CELF2: variants seen among roughly 807,000 people sequenced by gnomAD.
The protein encoded by CELF2 is CUG triplet repeat RNA-binding protein 2.
Under a neutral mutation model 62.6 loss-of-function variants are expected in CELF2, and 8 were observed. That is an observed-to-expected ratio of 0.13 (90% CI 0.07 to 0.23). CELF2 has a LOEUF of 0.23. Ranked by LOEUF, CELF2 falls within the 10% of genes least tolerant of loss-of-function variation. The pLI is 1.00. For missense variants in CELF2, 333 were observed against 671.0 expected, an observed-to-expected ratio of 0.50 and a Z score of 5.56; for synonymous variants, 258 against 250.0, an observed-to-expected ratio of 1.03 and a Z score of -0.30.
At chr10:11,113,163 A>G (rs925070836) in intron 1 of CELF2, among the ~76,000 whole-genome samples, 2 of 152,272 alleles carry the variant, frequency 1.3e-5, no homozygotes, top group Non-Finnish European at 2.9e-5. Flanking sequence ...TTTAAAATAT[A>G]GATGGCTTTC....
intron 2 of CELF2, among the ~76,000 whole-genome samples, chr10:11,184,587 G>T (rs2074331765): frequency 6.6e-6 from 1 of 152,166 alleles, no homozygotes; most frequent in Non-Finnish European, 1.5e-5. Context: ...CAAATGTTTT[G>T]TGGTTTGCCA....
intron 1 of CELF2, among the ~76,000 whole-genome samples, chr10:11,087,384 T>C (rs76211859): frequency 6.6e-6 from 1 of 152,174 alleles, no homozygotes; most frequent in Non-Finnish European, 1.5e-5. Context: ...GACTCCCAGG[T>C]CTTTTTCAAG....
intron 3 of CELF2, among the ~76,000 whole-genome samples, chr10:11,238,113 C>T (rs906783886): frequency 6.6e-6 from 1 of 152,138 alleles, no homozygotes; most frequent in Admixed American, 6.5e-5. Flanking sequence ...AGTATTGGAG[C>T]GCCCATCATT....
At chr10:10,941,101 A>G (rs1303785757) in intron 2 of CELF2, among the ~76,000 whole-genome samples, 1 of 152,368 alleles carries the variant, frequency 6.6e-6, no homozygotes, top group East Asian at 1.9e-4. Context: ...AGCATTGAGC[A>G]TGCAGAAATG....
the CELF2 span, among the ~76,000 whole-genome samples, chr10:10,701,259 A>G: frequency 8.1e-4 from 123 of 152,384 alleles, no homozygotes; most frequent in African/African-American, 2.7e-3. Context: ...CAGAAAGATT[A>G]GACAAACAAA....
intron 2 of CELF2, among the ~76,000 whole-genome samples, chr10:10,954,869 A>T (rs1457079128): frequency 6.6e-6 from 1 of 152,240 alleles, no homozygotes; most frequent in African/African-American, 2.4e-5. Flanking sequence ...AGAATACATA[A>T]ATATGCTATA....
At chr10:10,660,603 C>T in the CELF2 span, among the ~76,000 whole-genome samples, 1 of 152,176 alleles carries the variant, frequency 6.6e-6, no homozygotes, top group African/African-American at 2.4e-5. Context: ...CAATCAATTC[C>T]TTCACCTCAT....
intron 1 of CELF2, among the ~76,000 whole-genome samples, chr10:11,130,968 C>G (rs879461598): frequency 6.6e-6 from 1 of 152,172 alleles, no homozygotes; most frequent in African/African-American, 2.4e-5. Context: ...AACAAAGAGA[C>G]GCTCATGGAA....
the CELF2 span, among the ~76,000 whole-genome samples, chr10:10,629,680 T>G: frequency 6.6e-6 from 1 of 151,962 alleles, no homozygotes; most frequent in Admixed American, 6.6e-5. Flanking sequence ...CCAGTGTGCT[T>G]AAAGATAGCA....
intron 1 of CELF2, among the ~76,000 whole-genome samples, chr10:10,865,359 A>G (rs1188153303): frequency 6.6e-6 from 1 of 152,210 alleles, no homozygotes; most frequent in African/African-American, 2.4e-5. Context: ...GCATTTCAAC[A>G]CTAGTTATTA....
intron 1 of CELF2, among the ~76,000 whole-genome samples, chr10:11,119,595 A>G (rs2057296418): frequency 6.6e-6 from 1 of 152,216 alleles, no homozygotes; most frequent in South Asian, 2.1e-4. Context: ...CTTTTTACCA[A>G]CAAATTAACT....
the CELF2 span, among the ~76,000 whole-genome samples, chr10:10,704,105 T>A: frequency 1.5e-3 from 234 of 152,142 alleles, 2 homozygotes; most frequent in Non-Finnish European, 2.8e-3. Flanking sequence ...ACCCCTGCAG[T>A]CCCAGTGCCA....
the CELF2 span, among the ~76,000 whole-genome samples, chr10:10,754,061 G>GGTTT: frequency 4.8e-4 from 41 of 85,056 alleles, 1 homozygote; most frequent in African/African-American, 1.7e-3. Context: ...TGCTGAGGTG[G>GGTTT]TTTTTTTTTT....
the CELF2 span, among the ~76,000 whole-genome samples, chr10:10,577,553 C>A: frequency 2.0e-5 from 3 of 150,034 alleles, no homozygotes; most frequent in East Asian, 6.0e-4. Flanking sequence ...TGTTCCCCTT[C>A]CTGTGTCCAC....
chr10:11,164,922 C>G (rs1375975471), intron 1 of CELF2: 1 of 300,810 alleles, frequency 3.3e-6, no homozygotes, highest in Non-Finnish European at 4.9e-6. Context: ...TCTGCAAATT[C>G]ATCACCCGCA....
intron 7 of CELF2, among the ~76,000 whole-genome samples, chr10:11,273,068 G>A (rs1327505115): frequency 6.6e-6 from 1 of 152,142 alleles, no homozygotes; most frequent in Non-Finnish European, 1.5e-5. Context: ...CTCTTTCTGT[G>A]TGCGTGAGAG....
In CELF2 at chr10:11,321,465, A is replaced by G. The variant is rs571631536; in HGVS notation, c.1294+79A>G. The G allele has an allele frequency of 8.9e-7, 1 of 1,118,134 alleles. No individual in the cohort carries two copies. The highest frequency in any genetic ancestry group is 1.6e-5 in the African/African-American group (1 of 63,746). 69.3% of individuals were successfully genotyped at this position (1,118,134 alleles called of 1,614,324 possible). ...CTCTAGAGCACGGTTAGAAGGTATC[A>G]AATTGAACTGAACCCATGTCATAAC... On this transcript the variant is annotated intron_variant, in intron 11 of 12. Coordinates refer to ENST00000633077, the MANE Select transcript of CELF2 (RefSeq NM_001326342.2). This position sits in a 1 kb window ranked among gnomAD's most constrained non-coding sequence, Gnocchi z 6.2.
chr10:11,150,637 A>T (rs891542252), intron 1 of CELF2, among the ~76,000 whole-genome samples: 1 of 152,216 alleles, frequency 6.6e-6, no homozygotes, highest in East Asian at 1.9e-4. Context: ...AAACCTCCCC[A>T]TGTCAACCAG....
chr10:10,759,859 A>G, the CELF2 span, among the ~76,000 whole-genome samples: 1 of 145,128 alleles, frequency 6.9e-6, no homozygotes. Context: ...AAAGACGGTG[A>G]TATTCCTATA....
Sources: gnomAD v4.1 joint callset for allele counts (sites outside exome capture counted in the v4.1 genomes callset) on GRCh38, gnomAD v4.1.1 for gene constraint, Gnocchi (gnomAD v3.1) non-coding constraint, MANE v1.5 for transcripts, NCBI Gene and HGNC (gene_info 2026-07-23, HGNC 2026-07-21) for gene names.